PPP2R2B: variants seen among roughly 807,000 people sequenced by gnomAD.
PPP2R2B encodes protein phosphatase 2 regulatory subunit Bbeta.
A neutral mutation model predicts 46.0 loss-of-function variants in PPP2R2B; 5 were observed. The observed-to-expected ratio is 0.11, with a 90% CI of 0.06 to 0.23. PPP2R2B has a LOEUF of 0.23. Ranked by LOEUF, PPP2R2B falls within the 10% of genes least tolerant of loss-of-function variation. The pLI is 1.00. For missense variants in PPP2R2B, 367 were observed against 575.0 expected (o/e 0.64, Z 3.70); for synonymous variants, 215 against 206.7 (o/e 1.04, Z -0.34).
chr5:146,609,662 G>A (rs1581707977), intron 7 of PPP2R2B, among the ~76,000 whole-genome samples: 1 of 149,138 alleles, frequency 6.7e-6, no homozygotes, highest in African/African-American at 2.5e-5. Context: ...GAAGCAGGGC[G>A]AGGCATTGCC....
At chr5:146,748,200 T>C (rs913208750) in intron 2 of PPP2R2B, among the ~76,000 whole-genome samples, 1 of 152,202 alleles carries the variant, frequency 6.6e-6, no homozygotes, top group African/African-American at 2.4e-5. Flanking sequence ...ATTTAGCTAG[T>C]AAGTGGCGTA....
rs1754328724 is a variant in PPP2R2B, at chr5:147,004,335, G to A, written c.79+51330C>T. Among the ~76,000 whole-genome samples, 3 of 152,244 alleles carry A rather than the reference G, an allele frequency of 2.0e-5. No individual in the cohort carries two copies. In the South Asian group the frequency reaches 6.2e-4, roughly 32 times the overall value. ...CCCCCAACCAGATGATGCAACAATAGGACTGAGGATGCCCAGGGCAAGCAC... is the reference window on the plus strand; with the variant it reads ...CCCCCAACCAGATGATGCAACAATAAGACTGAGGATGCCCAGGGCAAGCAC... On this transcript the variant is annotated intron_variant, in intron 1 of 8. Transcript: ENST00000336640.
At chr5:146,830,618 G>A (rs1273309631) in intron 2 of PPP2R2B, among the ~76,000 whole-genome samples, 2 of 151,068 alleles carry the variant, frequency 1.3e-5, no homozygotes, top group Non-Finnish European at 2.9e-5. Flanking sequence ...CCCGACTCCC[G>A]GGTTCAAACA....
At chr5:146,669,858 G>C (rs769679737) in intron 5 of PPP2R2B, among the ~76,000 whole-genome samples, 3 of 152,124 alleles carry the variant, frequency 2.0e-5, no homozygotes, top group Non-Finnish European at 2.9e-5. Context: ...ACAGAGAATG[G>C]TCAATACCAT....
At chr5:146,650,767 T>G (rs371862948) in intron 5 of PPP2R2B, 43 bp from the exon 6 acceptor site, 9 of 1,571,890 alleles carry the variant, frequency 5.7e-6, no homozygotes, top group Non-Finnish European at 7.8e-6. Context: ...CCAAAGATCT[T>G]CCATAGGAAA....
chr5:146,590,396 G>GT (rs1561746835), intron 9 of PPP2R2B, among the ~76,000 whole-genome samples, 170 bp from the exon 10 acceptor site: 3 of 125,762 alleles, frequency 2.4e-5, no homozygotes, highest in Admixed American at 1.6e-4. Flanking sequence ...TTTTTTTTTT[G>GT]TGTTTTTTTT....
chr5:146,593,308 G>C (rs1770843444), intron 8 of PPP2R2B, among the ~76,000 whole-genome samples: 1 of 152,178 alleles, frequency 6.6e-6, no homozygotes, highest in South Asian at 2.1e-4. Context: ...CATCCAGTAA[G>C]ACTAAATAAG....
At chr5:146,737,203 G>A (rs1426007529) in intron 2 of PPP2R2B, among the ~76,000 whole-genome samples, 2 of 152,178 alleles carry the variant, frequency 1.3e-5, no homozygotes, top group African/African-American at 4.8e-5. Flanking sequence ...GCTGCACTGT[G>A]AATGTTCATT....
intron 2 of PPP2R2B, among the ~76,000 whole-genome samples, chr5:146,717,700 C>A (rs1047325741): frequency 4.6e-5 from 7 of 152,112 alleles, no homozygotes; most frequent in African/African-American, 1.7e-4. Context: ...ATTAAGAACA[C>A]TTTGTGAACG....
chr5:146,931,189 C>T (rs181999626), intron 1 of PPP2R2B, among the ~76,000 whole-genome samples: 177 of 152,190 alleles, frequency 1.2e-3, no homozygotes, highest in African/African-American at 3.8e-3. Context: ...CAGAACCTTC[C>T]GCAATAATAC....
intron 5 of PPP2R2B, among the ~76,000 whole-genome samples, chr5:146,667,328 GCGCGCACA>G (rs202005549): frequency 0.061 from 7,667 of 125,972 alleles, 217 homozygotes; most frequent in East Asian, 0.073. Flanking sequence ...ATAGGCGTGC[GCGCGCACA>G]CACACACACA....
At chr5:147,067,191 A>C (rs777958369) in intron 2 of PPP2R2B, among the ~76,000 whole-genome samples, 2 of 152,190 alleles carry the variant, frequency 1.3e-5, no homozygotes, top group Non-Finnish European at 2.9e-5. Flanking sequence ...AAGAACACTA[A>C]AAATCTACTC....
At position 146,790,570 on chromosome 5, in the gene PPP2R2B, T is replaced by A. The variant is rs1318422083; in HGVS notation, c.70+87432A>T. On this transcript the variant is annotated intron_variant, in intron 2 of 9. Transcript: ENST00000394411. Reference sequence around the variant, plus strand: ...ACAGAGATCAGTGCACAAAGGGGGATGAGCATATGATGGGGACTTGGAACA... The same window carrying A: ...ACAGAGATCAGTGCACAAAGGGGGAAGAGCATATGATGGGGACTTGGAACA... Among the ~76,000 whole-genome samples, 3 of 152,162 alleles carry A rather than the reference T, an allele frequency of 2.0e-5. No individual in the cohort carries two copies. The South Asian group carries it at 6.2e-4, about 31-fold the overall frequency.
intron 1 of PPP2R2B, chr5:146,918,496 A>C (rs1392979052): frequency 1.3e-5 from 2 of 152,188 alleles, no homozygotes; most frequent in Non-Finnish European, 1.5e-5. Context: ...CAATATTCAC[A>C]ACTTCTCTAT....
intron 2 of PPP2R2B, among the ~76,000 whole-genome samples, chr5:146,819,831 C>T (rs1469684178): frequency 2.0e-5 from 3 of 152,132 alleles, no homozygotes; most frequent in African/African-American, 7.2e-5. Context: ...TTTACTGCAA[C>T]TCCATTCACA....
intron 2 of PPP2R2B, among the ~76,000 whole-genome samples, chr5:146,856,930 G>C (rs531560972): frequency 3.8e-4 from 58 of 152,324 alleles, no homozygotes; most frequent in African/African-American, 1.3e-3. Flanking sequence ...TTCTAAGCTT[G>C]AGGGGGTGGA....
intron 5 of PPP2R2B, among the ~76,000 whole-genome samples, chr5:146,652,148 T>C (rs962147763): frequency 2.0e-5 from 3 of 152,176 alleles, no homozygotes; most frequent in African/African-American, 7.2e-5. Flanking sequence ...TGGCAGCGAA[T>C]GGGAGACCAG....
At chr5:146,751,372 A>G (rs2151237251) in intron 2 of PPP2R2B, 1 of 152,312 alleles carries the variant, frequency 6.6e-6, no homozygotes. Flanking sequence ...CCAGAGGTGA[A>G]CAGTTTTCTG....
chr5:146,645,484 A>G (rs540976056), intron 6 of PPP2R2B, among the ~76,000 whole-genome samples: 3 of 152,334 alleles, frequency 2.0e-5, no homozygotes, highest in Non-Finnish European at 2.9e-5. Context: ...GGTGAAAGCC[A>G]CTGAAGCAGC....
Sources: gnomAD v4.1 joint callset for allele counts (sites outside exome capture counted in the v4.1 genomes callset) on GRCh38, gnomAD v4.1.1 for gene constraint, MANE v1.5 for transcripts, NCBI Gene and HGNC (gene_info 2026-07-23, HGNC 2026-07-21) for gene names.